Variants in NUB1 observed in about 807,000 individuals in gnomAD.
NUB1 encodes NEDD8 ultimate buster 1.
A neutral mutation model predicts 77.1 loss-of-function variants in NUB1; 41 were observed. The observed-to-expected ratio is 0.53, with a 90% CI of 0.41 to 0.69. The LOEUF (loss-of-function observed/expected upper bound fraction) is 0.69, where lower values mean the gene tolerates loss of function less well. Among genes scored for constraint, NUB1 ranks in the 30% least tolerant of loss-of-function variants. The probability of loss-of-function intolerance (pLI) is 0.00; values close to 1 mark genes in which losing one functional copy is unlikely to be tolerated. For missense variants in NUB1, 643 were observed against 743.8 expected, an observed-to-expected ratio of 0.86 and a Z score of 1.58; for synonymous variants, 257 against 281.0, an observed-to-expected ratio of 0.91 and a Z score of 0.85.
intron 2 of NUB1, among the ~76,000 whole-genome samples, chr7:151,347,264 C>T (rs190847869): frequency 1.6e-4 from 25 of 152,130 alleles, no homozygotes; most frequent in African/African-American, 5.8e-4. Flanking sequence ...TTGCTGGACA[C>T]AGTGGCGCAT....
At chr7:151,370,733 C>G (rs1797919719) in intron 11 of NUB1, among the ~76,000 whole-genome samples, 1 of 146,472 alleles carries the variant, frequency 6.8e-6, no homozygotes, top group African/African-American at 2.5e-5. Flanking sequence ...GTGATGTCCC[C>G]CTTCCTGTGT....
chr7:151,343,335 A>G (rs1796305343), intron 1 of NUB1, among the ~76,000 whole-genome samples: 1 of 152,216 alleles, frequency 6.6e-6, no homozygotes, highest in South Asian at 2.1e-4. Context: ...GCACTGACAT[A>G]AAATAGATTT....
rs61756130 is a variant in NUB1, at chr7:151,367,016, G to A, written c.878G>A (p.Arg293His). 5.1e-4 allele frequency: 819 copies of A among 1,613,676 alleles called. 4 individuals are homozygous for A. The African/African-American group carries it at 9.7e-3, about 19-fold the overall frequency. ...CTGGATATAGTGTGGTGTTACTTCC[G>A]CCTGGAACAGCTGGAATGCCTTGAT... ...LQLDIVWCYF[R>H]LEQLECLDDA... Residue 293 changes from arginine to histidine, a missense_variant, in exon 9 of 15, where the codon CGC (arginine) becomes CAC (histidine). Arg to His is a conservative substitution (Grantham distance 29). Transcript: ENST00000568733.
Position 151,378,261 on chromosome 7 carries a change from G to A in NUB1, c.*1036G>A, listed in dbSNP as rs1271764341. ...GTGCCGAGTGGATTGAGTGCCAGGT[G>A]CATCCAAGACTTTCCCTCCCTTCCA... On this transcript the variant is annotated 3_prime_UTR_variant, in exon 15 of 15. Coordinates refer to ENST00000568733, the MANE Select transcript of NUB1 (RefSeq NM_001243351.2). 2 of 152,304 alleles carry A rather than the reference G, an allele frequency of 1.3e-5. No individual in the cohort carries two copies. The highest frequency in any genetic ancestry group is 2.9e-5 in the Non-Finnish European group (2 of 68,124). The allele number at this position is 152,304 out of a possible 1,614,324, so 9.4% of individuals were successfully genotyped here.
intron 8 of NUB1, among the ~76,000 whole-genome samples, chr7:151,361,702 C>T (rs1797389406): frequency 1.3e-5 from 2 of 152,036 alleles, no homozygotes; most frequent in South Asian, 4.1e-4. Context: ...TTGGTCAGTG[C>T]CTTTGGGTTC....
intron 8 of NUB1, among the ~76,000 whole-genome samples, chr7:151,364,272 T>G (rs1797532863): frequency 6.7e-6 from 1 of 148,832 alleles, no homozygotes; most frequent in Non-Finnish European, 1.5e-5. Flanking sequence ...ATACAAAAAA[T>G]TAGCCGGGCA....
intron 11 of NUB1, among the ~76,000 whole-genome samples, chr7:151,373,103 C>T (rs1280376833): frequency 1.2e-4 from 18 of 152,098 alleles, no homozygotes; most frequent in Admixed American, 2.0e-4. Context: ...TGCAGGGAGG[C>T]GCCTGTTGCC....
rs763418062 is a variant in NUB1 at position 151,376,618 on chromosome 7, C to G, written c.1492-16C>G. The stretch of plus-strand genomic sequence containing the variant: ...GCGCCAGGGGCTGATGCTGTGACCC[C>G]TGCGCTCTCCCCTAGTTGGTGTACA... On this transcript the variant is annotated splice_polypyrimidine_tract_variant and intron_variant, in intron 13 of 14. Coordinates refer to ENST00000568733, the MANE Select transcript of NUB1 (RefSeq NM_001243351.2). 47 of 1,596,114 alleles carry G rather than the reference C, an allele frequency of 2.9e-5. No individual in the cohort carries two copies. Among genetic ancestry groups the G allele is most frequent in the Non-Finnish European group, 3.8e-5 (44 of 1,169,404 alleles).
At chr7:151,375,771 C>T in intron 12 of NUB1, 77 bp from the exon 13 acceptor site, 1 of 968,872 alleles carries the variant, frequency 1.0e-6, no homozygotes, top group South Asian at 1.3e-5. Flanking sequence ...CTGCCTAGCA[C>T]ATGGCAGGGT....
At chr7:151,367,504 C>T (rs1184169365) in intron 9 of NUB1, among the ~76,000 whole-genome samples, 1 of 152,186 alleles carries the variant, frequency 6.6e-6, no homozygotes, top group Non-Finnish European at 1.5e-5. Context: ...AGAGCTGTGG[C>T]TCGAGTAAGG....
At chr7:151,346,394 T>C (rs1796507152) in intron 2 of NUB1, among the ~76,000 whole-genome samples, 1 of 152,238 alleles carries the variant, frequency 6.6e-6, no homozygotes, top group African/African-American at 2.4e-5. Context: ...TCCTAAGTGG[T>C]AAGCATGATA....
chr7:151,362,372 T>G (rs562998459), intron 8 of NUB1, among the ~76,000 whole-genome samples: 2 of 152,210 alleles, frequency 1.3e-5, no homozygotes, highest in South Asian at 4.1e-4. Flanking sequence ...CCAAATAGAA[T>G]GCAGATGGAG....
At position 151,351,619 on chromosome 7, in the gene NUB1, G is replaced by A. The variant is rs1047203758; in HGVS notation, c.344+137G>A. 8 of 657,600 alleles carry A rather than the reference G, an allele frequency of 1.2e-5. No homozygotes were observed. In the African/African-American group the frequency reaches 1.3e-4, roughly 11 times the overall value. The allele number at this position is 657,600 out of a possible 1,614,324, so 40.7% of individuals were successfully genotyped here. A position where few individuals can be genotyped will look rare whatever the true frequency, so the allele number is the denominator to read the frequency against. Reference sequence around the variant, plus strand: ...TTATAAAAGAGAAAATTGAGGCTTTGAGGTTGAAGGACTTATTAGAGCTGT... The same window carrying A: ...TTATAAAAGAGAAAATTGAGGCTTTAAGGTTGAAGGACTTATTAGAGCTGT... On this transcript the variant is annotated intron_variant, in intron 4 of 14. Transcript: ENST00000568733.
chr7:151,367,192 A>G, intron 9 of NUB1, 67 bp downstream of exon 9: 2 of 1,327,556 alleles, frequency 1.5e-6, no homozygotes, highest in South Asian at 2.7e-5. Flanking sequence ...TATTCCTGTT[A>G]AAGTATTTGA....
At chr7:151,343,669 G>C (rs1170182290) in intron 1 of NUB1, among the ~76,000 whole-genome samples, 1 of 152,172 alleles carries the variant, frequency 6.6e-6, no homozygotes, top group Admixed American at 6.5e-5. Flanking sequence ...GGGATGAGTA[G>C]ACAGCTCCAT....
At chr7:151,366,228 T>G (rs1056618476) in intron 8 of NUB1, among the ~76,000 whole-genome samples, 1 of 152,042 alleles carries the variant, frequency 6.6e-6, no homozygotes, top group African/African-American at 2.4e-5. Flanking sequence ...GAATACGGAG[T>G]CAAATTTTGC....
rs1387047612 is a variant in NUB1, at chr7:151,367,119, C to T, written c.981C>T (p.His327=). Reference sequence around the variant, plus strand: ...GAGAAAATCATCAGAGACTGGTCCACATAAAAGTATGTTCCTGGAATTCAT... The same window carrying T: ...GAGAAAATCATCAGAGACTGGTCCATATAAAAGTATGTTCCTGGAATTCAT... The part of the protein sequence containing the change: ...CYGENHQRLV[H]IKGNCGKEKV... The change falls in exon 9 of 15, where the codon CAC becomes CAT. Residue 327 remains histidine, a synonymous_variant. Coordinates refer to ENST00000568733, the MANE Select transcript of NUB1 (RefSeq NM_001243351.2). 25 of 1,610,804 alleles carry T rather than the reference C, an allele frequency of 1.6e-5. No homozygotes were observed. The highest frequency in any genetic ancestry group is 2.0e-5 in the Non-Finnish European group (24 of 1,177,884).
chr7:151,343,758 C>T (rs761481482), intron 1 of NUB1, among the ~76,000 whole-genome samples: 1 of 152,124 alleles, frequency 6.6e-6, no homozygotes, highest in Non-Finnish European at 1.5e-5. Context: ...GACGGAAGTT[C>T]AGAGTCCAGT....
rs562907036 is a variant in NUB1 at position 151,348,961 on chromosome 7, G to A, written c.118-112G>A. The A allele has an allele frequency of 1.4e-4, 122 of 890,300 alleles. 1 individual carries two copies. In the South Asian group the frequency reaches 1.7e-3, roughly 12 times the overall value. 55.2% of individuals were successfully genotyped at this position (890,300 alleles called of 1,614,324 possible). On this transcript the variant is annotated intron_variant, in intron 2 of 14. Coordinates refer to ENST00000568733, the MANE Select transcript of NUB1 (RefSeq NM_001243351.2). The stretch of plus-strand genomic sequence containing the variant: ...ACCACAGTGTGGACTGCAGTGTAAC[G>A]GGGCGACCTCCACTCATCAGAGTTG...
Sources: allele counts gnomAD v4.1 joint callset (sites outside exome capture counted in the v4.1 genomes callset), GRCh38; gene constraint gnomAD v4.1.1; transcripts MANE v1.5; gene names NCBI Gene and HGNC (gene_info 2026-07-23, HGNC 2026-07-21).